Variants in EPRS1 observed in about 807,000 individuals in gnomAD.
EPRS1 encodes glutamyl-prolyl-tRNA synthetase 1, also known as bifunctional glutamate/proline--tRNA ligase.
EPRS1 carries 107 observed loss-of-function variants against 188.3 expected under a neutral mutation model. That is an observed-to-expected ratio of 0.57 (90% CI 0.49 to 0.67). The LOEUF is 0.67. Among genes scored for constraint, EPRS1 ranks in the 30% least tolerant of loss-of-function variants. EPRS1 has a pLI of 0.00. For missense variants in EPRS1, 1,577 were observed against 1,802.2 expected (o/e 0.88, Z 2.26); for synonymous variants, 596 against 593.1 (o/e 1.00, Z -0.07).
intron 2 of EPRS1, among the ~76,000 whole-genome samples, chr1:220,037,891 G>A (rs1051514411): frequency 6.6e-6 from 1 of 152,068 alleles, no homozygotes; most frequent in South Asian, 2.1e-4. Flanking sequence ...TACATGAAAA[G>A]CAATTATACT....
At chr1:219,974,379 C>T (rs1235453744) in intron 28 of EPRS1, among the ~76,000 whole-genome samples, 2 of 152,154 alleles carry the variant, frequency 1.3e-5, no homozygotes, top group East Asian at 1.9e-4. Context: ...AAGTTTACGA[C>T]TTGGGAATGT....
In EPRS1 at chr1:220,030,448, A is replaced by G. The variant is rs1224789970; in HGVS notation, c.561T>C (p.Phe187=). 6.2e-7 allele frequency: 1 copy of G among 1,614,150 alleles called. No individual in the cohort carries two copies. ...APEKKQDVGK[F]VELPGAEMGK... is the part of the protein sequence containing the mutation. ...CCATCTCCGCACCTGGAAGCTCAAC[A>G]AATTTCCCAACATCTTGCTTTTTCT... The change falls in exon 6 of 32, where the codon TTT becomes TTC. Residue 187 remains phenylalanine (F), a synonymous_variant. Transcript: ENST00000366923.
At chr1:219,991,254 A>T (rs1323458837) in intron 18 of EPRS1, among the ~76,000 whole-genome samples, 1 of 150,712 alleles carries the variant, frequency 6.6e-6, no homozygotes, top group Non-Finnish European at 1.5e-5. Context: ...AAAAACCTGG[A>T]ACATTATCCA....
intron 8 of EPRS1, among the ~76,000 whole-genome samples, 164 bp from the exon 9 acceptor site, chr1:220,022,682 C>T (rs1032546055): frequency 2.6e-5 from 4 of 152,256 alleles, no homozygotes; most frequent in East Asian, 1.9e-4. Flanking sequence ...AGAGCAAATG[C>T]GTCATTTTTT....
rs1165353343 is a variant in EPRS1, at chr1:220,006,201, T to C, written c.1855A>G (p.Ile619Val). 5 of 1,606,514 alleles carry C rather than the reference T, an allele frequency of 3.1e-6. No homozygotes were observed. The Admixed American group carries it at 5.1e-5, about 16-fold the overall frequency. The change falls in exon 15 of 32, where the codon ATT becomes GTT. Residue 619 changes from isoleucine to valine, a missense_variant. This residue lies in a region of EPRS1 where 1,278 missense variants were observed against 1,457.4 expected (regional missense o/e 0.88). Coordinates refer to ENST00000366923, the MANE Select transcript of EPRS1 (RefSeq NM_004446.3). ...TCATAAGTGACACAGATTACTGGAATAGGAAGAGCATGTGTAGTCTCTGCA... is the reference window on the plus strand; with the variant it reads ...TCATAAGTGACACAGATTACTGGAACAGGAAGAGCATGTGTAGTCTCTGCA... ...WLAETTHALPIPVICVTYEHL... is the reference protein window; with the variant it reads ...WLAETTHALPVPVICVTYEHL...
Position 220,040,216 on chromosome 1 carries a change from CT to C in EPRS1, c.99del (p.Glu34LysfsTer13). Reference protein sequence around the residue: ...HVKDDVSISVEEGKENILHVS... With the variant: ...HVKDDVSISVXEGKENILHVS... ...ACATGAAGAATATTCTCTTTCCCTTCTTCAACGGAAATGCTGACATCGTCTT... is the reference window on the plus strand; with the variant it reads ...ACATGAAGAATATTCTCTTTCCCTTCTCAACGGAAATGCTGACATCGTCTT... On this transcript the variant is annotated frameshift_variant, in exon 2 of 32. Coordinates refer to ENST00000366923, the MANE Select transcript of EPRS1 (RefSeq NM_004446.3). LOFTEE classifies it high-confidence loss of function. The C allele has an allele frequency of 1.2e-6, 2 of 1,608,462 alleles. No homozygotes were observed. Among genetic ancestry groups the C allele is most frequent in the Non-Finnish European group, 1.7e-6 (2 of 1,175,380 alleles).
rs142360054 is a variant in EPRS1, at chr1:219,988,781, C to G, written c.2584G>C (p.Ala862Pro). The part of the protein sequence containing the change: ...EAVECLLSLK[A>P]QYKEKTGKEY... The stretch of plus-strand genomic sequence containing the variant: ...TTCCCAGTTTTTTCTTTATACTGAG[C>G]CTTCAGGGACAGTAAGCATTCTACA... The change falls in exon 19 of 32, where the codon GCT (alanine) becomes CCT (proline). Residue 862 changes from alanine (A) to proline (P), a missense_variant. Transcript: ENST00000366923. 153 of 1,612,448 alleles carry G rather than the reference C, an allele frequency of 9.5e-5. No individual in the cohort carries two copies. In the African/African-American group the frequency reaches 1.6e-3, roughly 16 times the overall value.
intron 12 of EPRS1, 67 bp downstream of exon 12, chr1:220,018,382 G>T: frequency 8.1e-7 from 1 of 1,235,506 alleles, no homozygotes; most frequent in South Asian, 1.2e-5. Context: ...GCACAGTAAT[G>T]ACTTCTACTT....
chr1:219,988,510 T>C lies in EPRS1; in HGVS notation c.2775+80A>G, dbSNP rs1211334672. On this transcript the variant is annotated intron_variant, in intron 19 of 31. Coordinates refer to ENST00000366923, the MANE Select transcript of EPRS1 (RefSeq NM_004446.3). ...ATGAGTAGAAGTTAGCCAGATTTGA[T>C]GGGGCACAAAACACTTGAGGCAAAG... 1.5e-5 allele frequency: 13 copies of C among 888,254 alleles called. No homozygotes were observed. In the East Asian group the frequency reaches 2.5e-4, roughly 17 times the overall value. The allele number at this position is 888,254 out of a possible 1,614,324, so 55.0% of individuals were successfully genotyped here.
intron 16 of EPRS1, among the ~76,000 whole-genome samples, chr1:220,004,485 A>G (rs907148357): frequency 6.6e-6 from 1 of 152,174 alleles, no homozygotes; most frequent in Admixed American, 6.5e-5. Flanking sequence ...CAAGGAAGCA[A>G]TGTTATAGCC....
intron 2 of EPRS1, among the ~76,000 whole-genome samples, chr1:220,036,949 A>T (rs1432299245): frequency 6.6e-6 from 1 of 152,164 alleles, no homozygotes; most frequent in African/African-American, 2.4e-5. Flanking sequence ...AGATACTAAA[A>T]ACATAATAGC....
Position 220,042,402 on chromosome 1 carries a change from G to A in EPRS1, c.47-2133C>T, listed in dbSNP as rs376088947. ...GGAGGCTGAGGCAGGAGAATTGCTCGAACCTGGGAGGTGGAGGTTTGCAGT... is the reference window on the plus strand; with the variant it reads ...GGAGGCTGAGGCAGGAGAATTGCTCAAACCTGGGAGGTGGAGGTTTGCAGT... On this transcript the variant is annotated intron_variant, in intron 1 of 31. Coordinates refer to ENST00000366923, the MANE Select transcript of EPRS1 (RefSeq NM_004446.3). Among the ~76,000 whole-genome samples the A allele has an allele frequency of 8.0e-5, 12 of 150,720 alleles. No homozygotes were observed. The South Asian group carries it at 8.4e-4, about 10-fold the overall frequency.
At chr1:219,997,674 C>T (rs1661263309) in intron 17 of EPRS1, among the ~76,000 whole-genome samples, 1 of 152,184 alleles carries the variant, frequency 6.6e-6, no homozygotes, top group Non-Finnish European at 1.5e-5. Context: ...CTACCACATA[C>T]TCACTGTGCA....
intron 1 of EPRS1, among the ~76,000 whole-genome samples, chr1:220,041,777 T>C (rs1662299461): frequency 6.6e-6 from 1 of 151,222 alleles, no homozygotes; most frequent in African/African-American, 2.4e-5. Flanking sequence ...GAGGCGGAGA[T>C]TGTGGCAAGC....
rs772485943 is a variant in EPRS1, at chr1:219,979,550, T to C, written c.3777A>G (p.Pro1259=). 2.5e-6 allele frequency: 4 copies of C among 1,614,062 alleles called. No homozygotes were observed. The South Asian group carries it at 4.4e-5, about 18-fold the overall frequency. The change falls in exon 27 of 32, where the codon CCA becomes CCG. Residue 1259 remains proline (P), a synonymous_variant. Transcript: ENST00000366923. ...SKMFEIVFED[P]KIPGEKQFAY... is the part of the protein sequence containing the mutation. ...CAAATTGCTTCTCTCCTGGTATCTT[T>C]GGATCTTCAAAAACGATTTCAAACA...
rs1423064961 is a variant in EPRS1, at chr1:220,010,129, AG to A, written c.1605+816del. On this transcript the variant is annotated intron_variant, in intron 13 of 31. Coordinates refer to ENST00000366923, the MANE Select transcript of EPRS1 (RefSeq NM_004446.3). ...AAAAAAAAAATTCTATTCAGAATTTAGATGGACCCTTCACTTATACTTTCCA... is the reference window on the plus strand; with the variant it reads ...AAAAAAAAAATTCTATTCAGAATTTAATGGACCCTTCACTTATACTTTCCA... Among the ~76,000 whole-genome samples, 5 of 151,706 alleles carry A rather than the reference AG, an allele frequency of 3.3e-5. No individual in the cohort carries two copies. In the East Asian group the frequency reaches 7.8e-4, roughly 24 times the overall value.
At chr1:220,045,663 G>C (rs2102603912) in intron 1 of EPRS1, among the ~76,000 whole-genome samples, 1 of 152,310 alleles carries the variant, frequency 6.6e-6, no homozygotes, top group Non-Finnish European at 1.5e-5. Flanking sequence ...TAAGGTGACA[G>C]ATCCAATGTT....
chr1:219,982,125 T>A (rs1660911346), intron 23 of EPRS1, among the ~76,000 whole-genome samples: 1 of 152,138 alleles, frequency 6.6e-6, no homozygotes, highest in South Asian at 2.1e-4. Flanking sequence ...TACAAAAGTA[T>A]CACTAGAAAT....
rs535826281 is a variant in EPRS1 at position 219,979,734 on chromosome 1, C to A, written c.3712-119G>T. 7.7e-5 allele frequency: 52 copies of A among 675,700 alleles called. No individual in the cohort carries two copies. The African/African-American group carries it at 9.4e-4, about 12-fold the overall frequency. 41.9% of individuals were successfully genotyped at this position (675,700 alleles called of 1,614,324 possible). ...TACACTTTTTTTCTCCCTTTTTTTA[C>A]ATTAAATAAGGTTTTTAATTATAAG... is the stretch of plus-strand genomic sequence containing the variant. On this transcript the variant is annotated intron_variant, in intron 26 of 31. Coordinates refer to ENST00000366923, the MANE Select transcript of EPRS1 (RefSeq NM_004446.3).
Sources: gnomAD v4.1 joint callset for allele counts (sites outside exome capture counted in the v4.1 genomes callset) on GRCh38, gnomAD v4.1.1 for gene constraint, gnomAD v4.1.1 regional missense constraint, MANE v1.5 for transcripts, NCBI Gene and HGNC (gene_info 2026-07-23, HGNC 2026-07-21) for gene names.